The following SCARA5 variants were observed in gnomAD, a reference collection of about 807,000 sequenced individuals.
SCARA5 encodes scavenger receptor class A, member 5 (putative).
A neutral mutation model predicts 46.3 loss-of-function variants in SCARA5; 45 were observed. That is an observed-to-expected ratio of 0.97 (90% confidence interval 0.76 to 1.24). The LOEUF (loss-of-function observed/expected upper bound fraction) is 1.24, where lower values mean the gene tolerates loss of function less well. SCARA5 is among the 50% of genes most tolerant of loss of function. The pLI, the probability that SCARA5 is intolerant of heterozygous loss-of-function variation, is 0.00. For missense variants in SCARA5, 680 were observed against 689.0 expected (o/e 0.99, Z 0.15); for synonymous variants, 333 against 306.5 (o/e 1.09, Z -0.90).
Position 27,918,955 on chromosome 8 carries a change from GGA to G in SCARA5, c.916+2614_916+2615del, listed in dbSNP as rs373890944. ...ATGAGAAGGAGGGGAAGGAGGAGGA[GGA>G]GAAGGAGGAGGAGGAAGAGGAGGAG... On this transcript the variant is annotated intron_variant, in intron 4 of 8. Transcript: ENST00000354914. Among the ~76,000 whole-genome samples, 4 of 1,464 alleles carry G rather than the reference GGA, an allele frequency of 2.7e-3. 2 individuals are homozygous for G. The highest frequency in any genetic ancestry group is 5.5e-3 in the Non-Finnish European group (2 of 362). The allele number at this position is 1,464 out of a possible 152,430, so 1.0% of individuals were successfully genotyped here.
At chr8:27,872,126 A>G (rs1029750957) in intron 8 of SCARA5, 56 bp from the exon 9 acceptor site, 2 of 1,591,550 alleles carry the variant, frequency 1.3e-6, no homozygotes, top group African/African-American at 2.7e-5. Flanking sequence ...CGAGAAGGAG[A>G]AGAGAGAGCA....
chr8:27,992,293 C>T lies in SCARA5; in HGVS notation c.-52G>A, dbSNP rs1808800920. On this transcript the variant is annotated 5_prime_UTR_variant, in exon 1 of 9. Transcript: ENST00000354914. ...TGGCTGAGGCTGTAGAGCCTTGTCCCCTCAGATCTCAGCATTTGCCATGGT... is the reference window on the plus strand; with the variant it reads ...TGGCTGAGGCTGTAGAGCCTTGTCCTCTCAGATCTCAGCATTTGCCATGGT... 6.6e-6 allele frequency: 1 copy of T among 152,296 alleles called. No homozygotes were observed. The highest frequency in any genetic ancestry group is 6.5e-5 in the Admixed American group (1 of 15,286). 9.4% of individuals were successfully genotyped at this position (152,296 alleles called of 1,614,324 possible). A position where few individuals can be genotyped will look rare whatever the true frequency, so the allele number is the denominator to read the frequency against.
At chr8:27,911,580 T>C (rs1807377159) in intron 4 of SCARA5, among the ~76,000 whole-genome samples, 2 of 152,060 alleles carry the variant, frequency 1.3e-5, no homozygotes, top group African/African-American at 2.4e-5. Flanking sequence ...TAATCCCAGC[T>C]ACTCTGGAGG....
At chr8:27,952,856 T>C (rs192458493) in intron 3 of SCARA5, among the ~76,000 whole-genome samples, 2 of 152,314 alleles carry the variant, frequency 1.3e-5, no homozygotes, top group East Asian at 3.9e-4. Context: ...CCAGTTCCTT[T>C]TGGAACCAAG....
chr8:27,949,029 G>C (rs964903686), intron 3 of SCARA5, among the ~76,000 whole-genome samples: 11 of 152,262 alleles, frequency 7.2e-5, no homozygotes, highest in Non-Finnish European at 1.5e-4. Context: ...ATTCTTTGTG[G>C]GAAGCCACCC....
At chr8:27,877,749 A>C (rs1231251650) in intron 8 of SCARA5, among the ~76,000 whole-genome samples, 1 of 152,148 alleles carries the variant, frequency 6.6e-6, no homozygotes, top group Non-Finnish European at 1.5e-5. Context: ...GCTGCCCTTC[A>C]TGGTGCCGGA....
intron 2 of SCARA5, among the ~76,000 whole-genome samples, chr8:27,967,601 G>A (rs17393063): frequency 0.24 from 36,462 of 152,028 alleles, 4,935 homozygotes; most frequent in Middle Eastern, 0.36. Flanking sequence ...CTCTCCAGAA[G>A]GACTGTCCCC....
chr8:27,959,430 CTGCTATA>C (rs1301089257), intron 3 of SCARA5, among the ~76,000 whole-genome samples: 1 of 152,126 alleles, frequency 6.6e-6, no homozygotes, highest in Non-Finnish European at 1.5e-5. Context: ...CATTAATTAC[CTGCTATA>C]TGTGGCACAT....
intron 2 of SCARA5, among the ~76,000 whole-genome samples, chr8:27,974,926 A>C (rs913817047): frequency 6.6e-6 from 1 of 152,052 alleles, no homozygotes; most frequent in African/African-American, 2.4e-5. Flanking sequence ...ATCCTGGCAA[A>C]AAAAAATCTT....
intron 7 of SCARA5, among the ~76,000 whole-genome samples, chr8:27,901,922 G>A (rs1057490989): frequency 6.6e-6 from 1 of 152,278 alleles, no homozygotes; most frequent in Non-Finnish European, 1.5e-5. Flanking sequence ...GAGGAAGTCC[G>A]TCCTCCCCTA....
Position 27,909,720 on chromosome 8 carries a change from G to C in SCARA5, c.940C>G (p.Gln314Glu), listed in dbSNP as rs1167265493. ...AKGPPGPKGD[Q>E]GDEGKEGRPG... ...CTGCCTTCCTTTCCTTCATCCCCCT[G>C]ATCACCTTTGGGTCCCGGTGGCCCT... The change falls in exon 5 of 9, where the codon CAG (glutamine) becomes GAG (glutamate). Residue 314 changes from glutamine (Q) to glutamate (E), a missense_variant. Physicochemically the swap from Gln to Glu is conservative, Grantham distance 29. This residue lies in a region of SCARA5 where 219 missense variants were observed against 269.5 expected (regional missense o/e 0.81). Transcript: ENST00000354914. 1.3e-6 allele frequency: 2 copies of C among 1,551,292 alleles called. No homozygotes were observed. Among genetic ancestry groups the C allele is most frequent in the Admixed American group, 3.9e-5 (2 of 51,004 alleles).
intron 3 of SCARA5, among the ~76,000 whole-genome samples, chr8:27,923,693 G>C (rs1168061818): frequency 6.6e-6 from 1 of 151,846 alleles, no homozygotes; most frequent in African/African-American, 2.4e-5. Flanking sequence ...CTCCTGCCTC[G>C]GCCTCCCAAG....
intron 3 of SCARA5, among the ~76,000 whole-genome samples, chr8:27,965,914 GC>G (rs1234049778): frequency 1.3e-5 from 2 of 152,180 alleles, no homozygotes; most frequent in Non-Finnish European, 2.9e-5. Flanking sequence ...GCTAGCCCTA[GC>G]CCATCGCCTG....
At chr8:27,953,562 G>A (rs1248545518) in intron 3 of SCARA5, among the ~76,000 whole-genome samples, 1 of 152,214 alleles carries the variant, frequency 6.6e-6, no homozygotes, top group Non-Finnish European at 1.5e-5. Flanking sequence ...AGTGAGTTTG[G>A]GTTTGGGCCT....
chr8:27,871,986 A>G lies in SCARA5; in HGVS notation c.1436T>C (p.Val479Ala), dbSNP rs1234186141. 6.2e-7 allele frequency: 1 copy of G among 1,613,982 alleles called. No homozygotes were observed. The highest frequency in any genetic ancestry group is 2.2e-5 in the East Asian group (1 of 44,866). The change falls in exon 9 of 9, where the codon GTG becomes GCG. Residue 479 changes from valine to alanine, a missense_variant. Coordinates refer to ENST00000354914, the MANE Select transcript of SCARA5 (RefSeq NM_173833.6). ...IFRCSFSKWGVTNCGHAEDAS... is the reference protein window; with the variant it reads ...IFRCSFSKWGATNCGHAEDAS... ...ATCTTCGGCATGTCCACAGTTTGTC[A>G]CCCCCCATTTGGAGAAGCTGCAGCG...
chr8:27,907,094 A>G (rs1445820156), intron 6 of SCARA5, 54 bp downstream of exon 6: 1 of 1,336,298 alleles, frequency 7.5e-7, no homozygotes. Flanking sequence ...GCCAATGCCC[A>G]TGTGCTGCCT....
intron 4 of SCARA5, among the ~76,000 whole-genome samples, chr8:27,920,328 A>G (rs1807562407): frequency 6.6e-6 from 1 of 152,064 alleles, no homozygotes. Context: ...ATTTTTAAAA[A>G]CTGGCCAGGT....
intron 7 of SCARA5, among the ~76,000 whole-genome samples, chr8:27,884,719 C>T (rs944668092): frequency 5.3e-5 from 8 of 152,228 alleles, no homozygotes; most frequent in Non-Finnish European, 7.3e-5. Flanking sequence ...TGCACCTACT[C>T]GTTTAGCCAA....
intron 4 of SCARA5, 96 bp from the exon 5 acceptor site, chr8:27,909,839 G>C (rs1297906825): frequency 2.7e-6 from 2 of 742,546 alleles, no homozygotes; most frequent in African/African-American, 1.8e-5. Context: ...TCTGAGGAGA[G>C]GAAGGGGCAG....
Sources: gnomAD v4.1 joint callset for allele counts (sites outside exome capture counted in the v4.1 genomes callset) on GRCh38, gnomAD v4.1.1 for gene constraint, gnomAD v4.1.1 regional missense constraint, MANE v1.5 for transcripts, NCBI Gene and HGNC (gene_info 2026-07-23, HGNC 2026-07-21) for gene names.